Variants in FANCG observed in about 807,000 individuals in gnomAD.
The protein encoded by FANCG is Fanconi anemia group G protein.
In FANCG, 67 loss-of-function variants were observed where a neutral mutation model predicts 73.3. The observed-to-expected ratio is 0.91, with a 90% CI of 0.75 to 1.12. FANCG has a LOEUF of 1.12. FANCG is among the 50% of genes most tolerant of loss of function. The pLI, the probability that FANCG is intolerant of heterozygous loss-of-function variation, is 0.00. For synonymous variants in FANCG, 297 were observed against 311.6 expected, an observed-to-expected ratio of 0.95 and a Z score of 0.49; for missense variants, 643 against 735.6, an observed-to-expected ratio of 0.87 and a Z score of 1.46.
In FANCG at chr9:35,076,551, C is replaced by T. The variant is rs145092954; in HGVS notation, c.957G>A (p.Pro319=). Residue 319 remains proline (P), a synonymous_variant, in exon 8 of 14, where the codon CCG becomes CCA. Coordinates refer to ENST00000378643, the MANE Select transcript of FANCG (RefSeq NM_004629.2). ...GTAATTCTACCTCAATGAGAAACTG[C>T]GGGGCTTTGGAACTGCATGGGACAT... is the stretch of plus-strand genomic sequence containing the variant. The part of the protein sequence containing the change: ...ALNVPCSSKA[P]QFLIEVELLL... The T allele has an allele frequency of 6.1e-5, 98 of 1,614,098 alleles. No individual in the cohort carries two copies. The highest frequency in any genetic ancestry group is 5.6e-4 in the South Asian group (51 of 91,072).
rs1304799853 is a variant in FANCG at position 35,078,278 on chromosome 9, CAG to C, written c.371_372del (p.Ser124CysfsTer30). 1 of 1,614,082 alleles carries C rather than the reference CAG, an allele frequency of 6.2e-7. No homozygotes were observed. Among genetic ancestry groups the C allele is most frequent in the Admixed American group, 1.7e-5 (1 of 60,020 alleles). On this transcript the variant is annotated frameshift_variant, in exon 4 of 14. Transcript: ENST00000378643. LOFTEE classifies it high-confidence loss of function. ...GGCAGAAGGCAGGAAGCACGAAGGA[CAG>C]AGTCCCACAGCTCCCTGAGCCCCTG... is the stretch of plus-strand genomic sequence containing the variant. ...LEQGLRELWD[S>X]VLRASCLLPE...
chr9:35,077,945 A>T (rs1829116203), intron 4 of FANCG, 196 bp downstream of exon 4: 12 of 622,674 alleles, frequency 1.9e-5, no homozygotes, highest in South Asian at 1.1e-4. Context: ...TCCAATTTTT[A>T]AAAAACACTC....
At chr9:35,076,062 G>T (rs759766268) in intron 8 of FANCG, 34 bp from the exon 9 acceptor site, 2 of 1,599,860 alleles carry the variant, frequency 1.3e-6, no homozygotes, top group South Asian at 2.2e-5. Context: ...CTCACCCTAG[G>T]CCCTAGCAGG....
intron 1 of FANCG, 94 bp from the exon 2 acceptor site, chr9:35,079,335 T>C: frequency 6.4e-7 from 1 of 1,556,186 alleles, no homozygotes; most frequent in Non-Finnish European, 8.9e-7. Context: ...CATTTCTGGC[T>C]CTTTGGTCAA....
At position 35,075,648 on chromosome 9, in the gene FANCG, C is replaced by T; in HGVS notation, c.1250G>A (p.Cys417Tyr). The T allele has an allele frequency of 4.3e-6, 7 of 1,613,168 alleles. No homozygotes were observed. Among genetic ancestry groups the T allele is most frequent in the Non-Finnish European group, 5.9e-6 (7 of 1,179,950 alleles). ...AGRAQDALTL[C>Y]EELLSRTSSL... ...TGATGTGCGGCTGAGCAACTCCTCA[C>T]ATAGAGTCAAGGCATCTTGGGCTCT... Residue 417 changes from cysteine to tyrosine, a missense_variant, in exon 10 of 14, where the codon TGT (cysteine) becomes TAT (tyrosine). Cys to Tyr is a radical substitution (Grantham distance 194, BLOSUM62 -2). Coordinates refer to ENST00000378643, the MANE Select transcript of FANCG (RefSeq NM_004629.2).
intron 11 of FANCG, 58 bp downstream of exon 11, chr9:35,075,221 C>G: frequency 6.2e-7 from 1 of 1,606,926 alleles, no homozygotes; most frequent in Non-Finnish European, 8.5e-7. Flanking sequence ...TTAAAGGGAA[C>G]CCACTTCCAC....
intron 12 of FANCG, chr9:35,074,717 GA>G: frequency 1.2e-6 from 1 of 852,120 alleles, no homozygotes; most frequent in South Asian, 1.5e-5. Flanking sequence ...TGTGTCTGAG[GA>G]TATCGGGGAA....
chr9:35,075,110 T>C, intron 11 of FANCG, 28 bp from the exon 12 acceptor site: 2 of 1,613,334 alleles, frequency 1.2e-6, no homozygotes, highest in Non-Finnish European at 1.7e-6. Context: ...AGTCAAGAAG[T>C]GTCTTCCCAG....
Position 35,073,911 on chromosome 9 carries a change from T to A in FANCG, c.*197A>T. ...AGGTGCCTCGAGCAAAGTCAATGAC[T>A]TGGTGGTGGCAGAGATTGTTTCCTC... On this transcript the variant is annotated 3_prime_UTR_variant, in exon 14 of 14. Transcript: ENST00000378643. 1 of 659,612 alleles carries A rather than the reference T, an allele frequency of 1.5e-6. No individual in the cohort carries two copies. The highest frequency in any genetic ancestry group is 2.8e-6 in the Non-Finnish European group (1 of 363,308). The allele number at this position is 659,612 out of a possible 1,614,324, so 40.9% of individuals were successfully genotyped here. A position where few individuals can be genotyped will look rare whatever the true frequency, so the allele number is the denominator to read the frequency against.
At chr9:35,075,934 T>C (rs1482659210) in intron 9 of FANCG, 28 bp downstream of exon 9, 7 of 1,613,362 alleles carry the variant, frequency 4.3e-6, no homozygotes, top group South Asian at 3.3e-5. Context: ...GTCTACCCCA[T>C]TGCAGAGAAG....
In FANCG at chr9:35,073,914, G is replaced by A; in HGVS notation, c.*194C>T. The A allele has an allele frequency of 3.0e-6, 2 of 663,556 alleles. No individual in the cohort carries two copies. The highest frequency in any genetic ancestry group is 5.5e-6 in the Non-Finnish European group (2 of 364,270). The allele number at this position is 663,556 out of a possible 1,614,324, so 41.1% of individuals were successfully genotyped here. On this transcript the variant is annotated 3_prime_UTR_variant, in exon 14 of 14. Coordinates refer to ENST00000378643, the MANE Select transcript of FANCG (RefSeq NM_004629.2). ...TGCCTCGAGCAAAGTCAATGACTTG[G>A]TGGTGGCAGAGATTGTTTCCTCCAA...
At chr9:35,075,152 C>T (rs761945386) in intron 11 of FANCG, 70 bp from the exon 12 acceptor site, 6 of 1,610,318 alleles carry the variant, frequency 3.7e-6, no homozygotes, top group Non-Finnish European at 5.1e-6. Context: ...AAATCCTCCT[C>T]TATTTCTTCT....
chr9:35,079,709 C>A lies in FANCG; in HGVS notation c.-185G>T. ...CAGGACAGATGGGACGCTCTCTCCCCGCGGCCCGCCGGGCTCTCAACCTCG... is the reference window on the plus strand; with the variant it reads ...CAGGACAGATGGGACGCTCTCTCCCAGCGGCCCGCCGGGCTCTCAACCTCG... On this transcript the variant is annotated 5_prime_UTR_variant, in exon 1 of 14. Transcript: ENST00000378643. 3 of 640,394 alleles carry A rather than the reference C, an allele frequency of 4.7e-6. No individual in the cohort carries two copies. The highest frequency in any genetic ancestry group is 5.5e-6 in the Non-Finnish European group (2 of 360,830). The allele number at this position is 640,394 out of a possible 1,614,324, so 39.7% of individuals were successfully genotyped here.
At chr9:35,078,551 C>T in intron 3 of FANCG, 54 bp downstream of exon 3, 1 of 1,613,738 alleles carries the variant, frequency 6.2e-7, no homozygotes, top group Middle Eastern at 1.7e-4. Context: ...CCTGCAATAA[C>T]TTAAACCCAG....
intron 12 of FANCG, 165 bp from the exon 13 acceptor site, chr9:35,074,659 A>G: frequency 1.0e-6 from 1 of 988,108 alleles, no homozygotes; most frequent in Admixed American, 2.0e-5. Flanking sequence ...AGTGTCCATC[A>G]TCTGCCCCCT....
chr9:35,074,703 T>G (rs2131052443), intron 12 of FANCG: 3 of 853,050 alleles, frequency 3.5e-6, no homozygotes, highest in South Asian at 3.0e-5. Flanking sequence ...AGAGTCATGG[T>G]CTTTGTGTCT....
Position 35,073,895 on chromosome 9 carries a change from G to A in FANCG, c.*213C>T, listed in dbSNP as rs185360895. The stretch of plus-strand genomic sequence containing the variant: ...GGAGAAACAGGAAAAAAGGTGCCTC[G>A]AGCAAAGTCAATGACTTGGTGGTGG... On this transcript the variant is annotated 3_prime_UTR_variant, in exon 14 of 14. Transcript: ENST00000378643. 35 of 625,648 alleles carry A rather than the reference G, an allele frequency of 5.6e-5. No homozygotes were observed. The highest frequency in any genetic ancestry group is 3.7e-4 in the South Asian group (21 of 56,538). The allele number at this position is 625,648 out of a possible 1,614,324, so 38.8% of individuals were successfully genotyped here. A position where few individuals can be genotyped will look rare whatever the true frequency, so the allele number is the denominator to read the frequency against.
rs2131059209 is a variant in FANCG at position 35,078,753 on chromosome 9, G to A, written c.176-17C>T. 1 of 1,614,006 alleles carries A rather than the reference G, an allele frequency of 6.2e-7. No individual in the cohort carries two copies. Among genetic ancestry groups the A allele is most frequent in the Non-Finnish European group, 8.5e-7 (1 of 1,180,020 alleles). ...CAGGGAGCCCTGGAGCAACAATGTTGGTCTTACAGACTGCTCCCCCATGGA... is the reference window on the plus strand; with the variant it reads ...CAGGGAGCCCTGGAGCAACAATGTTAGTCTTACAGACTGCTCCCCCATGGA... On this transcript the variant is annotated splice_polypyrimidine_tract_variant and intron_variant, in intron 2 of 13. Transcript: ENST00000378643.
At chr9:35,074,296 A>G in intron 13 of FANCG, 75 bp downstream of exon 13, 1 of 1,613,446 alleles carries the variant, frequency 6.2e-7, no homozygotes, top group Non-Finnish European at 8.5e-7. Context: ...TTCAGTGTTC[A>G]CCACCCACAA....
Sources: gnomAD v4.1 joint callset for allele counts on GRCh38, gnomAD v4.1.1 for gene constraint, MANE v1.5 for transcripts, NCBI Gene and HGNC (gene_info 2026-07-23, HGNC 2026-07-21) for gene names.